Variants in TRIM2 observed in about 807,000 individuals in gnomAD.
TRIM2 encodes the protein tripartite motif containing 2.
Under a neutral mutation model 75.2 loss-of-function variants are expected in TRIM2, and 20 were observed. That is an observed-to-expected ratio of 0.27 (90% confidence interval 0.19 to 0.39). TRIM2 has a LOEUF of 0.39. TRIM2 is among the 10% of genes least tolerant of loss of function. The pLI is 1.00. For missense variants in TRIM2, 660 were observed against 990.8 expected, an observed-to-expected ratio of 0.67 and a Z score of 4.48; for synonymous variants, 373 against 388.3, an observed-to-expected ratio of 0.96 and a Z score of 0.46.
At position 153,221,721 on chromosome 4, in the gene TRIM2, AAAG is replaced by A. The variant is rs1158673170; in HGVS notation, c.30+17165_30+17167del. ...GGAGGAAGGAAGGAAGGAAAGAAGA[AAAG>A]AAGGAAGGAAAGAGTGAGGAAGGGA... On this transcript the variant is annotated intron_variant, in intron 1 of 11. Transcript: ENST00000338700. Among the ~76,000 whole-genome samples, 21 of 147,856 alleles carry A rather than the reference AAAG, an allele frequency of 1.4e-4. No individual in the cohort carries two copies. The South Asian group carries it at 3.3e-3, about 23-fold the overall frequency.
At chr4:153,307,792 C>G in intron 6 of TRIM2, 1 of 715,696 alleles carries the variant, frequency 1.4e-6, no homozygotes, top group Non-Finnish European at 2.6e-6. Context: ...GGTACAGCAC[C>G]CTTAGTGTCT....
At position 153,337,749 on chromosome 4, in the gene TRIM2, TTC is replaced by T; in HGVS notation, c.*2787_*2788del. ...TTCTGGGCTACCATTATTGTTTGAT[TTC>T]TCTTTGTCAAGTGTATAGAACCTGT... On this transcript the variant is annotated 3_prime_UTR_variant, in exon 12 of 12. Coordinates refer to ENST00000338700, the MANE Select transcript of TRIM2 (RefSeq NM_015271.5). The T allele has an allele frequency of 9.1e-6, 9 of 985,848 alleles. No homozygotes were observed. Among genetic ancestry groups the T allele is most frequent in the Non-Finnish European group, 1.1e-5 (9 of 829,932 alleles). 61.1% of individuals were successfully genotyped at this position (985,848 alleles called of 1,614,324 possible).
At chr4:153,189,129 G>A (rs1173426356) in intron 1 of TRIM2, among the ~76,000 whole-genome samples, 1 of 152,170 alleles carries the variant, frequency 6.6e-6, no homozygotes, top group Non-Finnish European at 1.5e-5. Context: ...ATAATCACAG[G>A]CATGAGTCAC....
intron 1 of TRIM2, among the ~76,000 whole-genome samples, chr4:153,244,391 T>TTCC (rs1748245081): frequency 1.3e-5 from 1 of 77,804 alleles, no homozygotes. Flanking sequence ...CTTCTTCTTC[T>TTCC]TCTTCTTCTT....
chr4:153,298,878 T>C (rs1014249567), intron 6 of TRIM2, among the ~76,000 whole-genome samples: 1 of 152,030 alleles, frequency 6.6e-6, no homozygotes, highest in African/African-American at 2.4e-5. Flanking sequence ...GGACCACAGC[T>C]GCATGTCACC....
chr4:153,310,835 A>G (rs963506991), intron 6 of TRIM2, among the ~76,000 whole-genome samples: 3 of 152,214 alleles, frequency 2.0e-5, no homozygotes, highest in African/African-American at 7.2e-5. Context: ...ATATATAAGC[A>G]ATGTTAGACA....
chr4:153,220,989 G>A (rs530821065), intron 1 of TRIM2, among the ~76,000 whole-genome samples: 53 of 152,156 alleles, frequency 3.5e-4, no homozygotes, highest in African/African-American at 1.2e-3. Context: ...TCACTCCTAG[G>A]TAAATACCCA....
chr4:153,313,984 TTCTC>T (rs1044066502), intron 6 of TRIM2, among the ~76,000 whole-genome samples: 4 of 152,206 alleles, frequency 2.6e-5, no homozygotes, highest in South Asian at 2.1e-4. Context: ...TGAAGAATGG[TTCTC>T]TCTCTCTATG....
intron 1 of TRIM2, among the ~76,000 whole-genome samples, chr4:153,229,992 A>G (rs1457444216): frequency 2.0e-5 from 3 of 152,124 alleles, no homozygotes; most frequent in South Asian, 2.1e-4. Context: ...TTCAGCTACT[A>G]TCTATTGATG....
chr4:153,183,042 G>A (rs1183423656), intron 1 of TRIM2, among the ~76,000 whole-genome samples: 3 of 152,214 alleles, frequency 2.0e-5, no homozygotes, highest in African/African-American at 7.2e-5. Context: ...ATGAATGAAA[G>A]AATGAATAAA....
chr4:153,317,817 A>G (rs1461029550), intron 8 of TRIM2, among the ~76,000 whole-genome samples: 1 of 151,722 alleles, frequency 6.6e-6, no homozygotes, highest in Non-Finnish European at 1.5e-5. Flanking sequence ...AAAATTAGCC[A>G]GGTGTGGTTG....
chr4:153,206,861 A>G (rs1735593535), intron 1 of TRIM2, among the ~76,000 whole-genome samples: 1 of 152,162 alleles, frequency 6.6e-6, no homozygotes, highest in South Asian at 2.1e-4. Context: ...ATCACTTTGT[A>G]CATTCCAAGG....
chr4:153,250,764 G>T (rs1750670201), intron 1 of TRIM2, among the ~76,000 whole-genome samples: 1 of 152,198 alleles, frequency 6.6e-6, no homozygotes. Context: ...AAACATACTG[G>T]GCAGGGAGTC....
chr4:153,202,069 T>C (rs1734427555), upstream of TRIM2, among the ~76,000 whole-genome samples: 1 of 152,242 alleles, frequency 6.6e-6, no homozygotes, highest in Admixed American at 6.5e-5. Context: ...AATTTTACTT[T>C]AATACAAATT....
chr4:153,257,373 T>A, intron 1 of TRIM2: 1 of 1,121,876 alleles, frequency 8.9e-7, no homozygotes, highest in African/African-American at 1.6e-5. Context: ...CCTGGTTTGC[T>A]GCAGTCTTTT....
chr4:153,205,428 G>A (rs1487145808), intron 1 of TRIM2, among the ~76,000 whole-genome samples: 1 of 152,202 alleles, frequency 6.6e-6, no homozygotes, highest in Non-Finnish European at 1.5e-5. Context: ...GGAAAGGGTT[G>A]TGCTGTCATT....
rs1231050476 is a variant in TRIM2 at position 153,244,310 on chromosome 4, C to T, written c.31-26025C>T. ...CCTCCTCCTCCTCCTCCTCCTCCTC[C>T]TCCTCCTCCTCTTCTTCTTCTTCTT... On this transcript the variant is annotated intron_variant, in intron 1 of 11. Transcript: ENST00000338700. 2.0e-3 allele frequency among the ~76,000 whole-genome samples: 73 copies of T among 37,110 alleles called. 3 individuals are homozygous for T. Among genetic ancestry groups the T allele is most frequent in the African/African-American group, 5.9e-3 (34 of 5,782 alleles). The allele number at this position is 37,110 out of a possible 152,430, so 24.3% of individuals were successfully genotyped here.
chr4:153,233,935 G>A (rs1026937129), intron 1 of TRIM2, among the ~76,000 whole-genome samples: 4 of 152,154 alleles, frequency 2.6e-5, no homozygotes, highest in Admixed American at 6.5e-5. Flanking sequence ...GGGAGTACAG[G>A]CACCGGGCTG....
chr4:153,336,204 C>T lies in TRIM2; in HGVS notation c.*1238C>T, dbSNP rs991981189. ...GCAGCACTCTGAAAGACAGAAGCTT[C>T]GTCCAGCCACTCTTCAGCACATTCC... On this transcript the variant is annotated 3_prime_UTR_variant, in exon 12 of 12. Transcript: ENST00000338700. 9.1e-6 allele frequency: 9 copies of T among 985,294 alleles called. No individual in the cohort carries two copies. The Admixed American group carries it at 3.7e-4, about 41-fold the overall frequency. 61.0% of individuals were successfully genotyped at this position (985,294 alleles called of 1,614,324 possible).
Sources: gnomAD v4.1 joint callset for allele counts (sites outside exome capture counted in the v4.1 genomes callset) on GRCh38, gnomAD v4.1.1 for gene constraint, MANE v1.5 for transcripts, NCBI Gene and HGNC (gene_info 2026-07-23, HGNC 2026-07-21) for gene names.